The following AP1G2 variants were observed in gnomAD, a reference collection of about 807,000 sequenced individuals.
The protein encoded by AP1G2 is adaptor related protein complex 1 subunit gamma 2, also known as AP-1 complex subunit gamma-like 2.
In AP1G2, 85 loss-of-function variants were observed where a neutral mutation model predicts 95.8. That is an observed-to-expected ratio of 0.89 (90% CI 0.74 to 1.06). AP1G2 has a LOEUF of 1.06. Ranked by LOEUF, AP1G2 falls within the 50% of genes least tolerant of loss-of-function variation. The probability of loss-of-function intolerance (pLI) is 0.00; values close to 1 mark genes in which losing one functional copy is unlikely to be tolerated. For missense variants in AP1G2, 967 were observed against 1,005.8 expected, an observed-to-expected ratio of 0.96 and a Z score of 0.52; for synonymous variants, 378 against 400.0, an observed-to-expected ratio of 0.94 and a Z score of 0.66.
chr14:23,562,991 G>T, intron 14 of AP1G2: 1 of 940,082 alleles, frequency 1.1e-6, no homozygotes, highest in Non-Finnish European at 1.4e-6. Context: ...TGGAAGGGGT[G>T]GATGATGCTT....
chr14:23,562,861 G>C (rs1313510228), intron 14 of AP1G2: 1 of 527,368 alleles, frequency 1.9e-6, no homozygotes, highest in Non-Finnish European at 3.2e-6. Flanking sequence ...GATGGTGGGG[G>C]GTTGGAGGAG....
chr14:23,564,410 G>T, intron 9 of AP1G2, 22 bp from the exon 10 acceptor site: 2 of 1,614,110 alleles, frequency 1.2e-6, no homozygotes, highest in Non-Finnish European at 1.7e-6. Context: ...AGAAGTTGGG[G>T]TCAGTCGGAA....
rs754822801 is a variant in AP1G2, at chr14:23,559,801, G to A, written c.2306C>T (p.Ser769Leu). The stretch of plus-strand genomic sequence containing the variant: ...GTTCACCTCAAAGATCTCCTGCACC[G>A]ACTGGTGAAAGTGGTCGTAGGTGAG... ...LRLTYDHFHQ[S>L]VQEIFEVNNL... Residue 769 changes from serine to leucine, a missense_variant, in exon 22 of 22, where the codon TCG (serine) becomes TTG (leucine). Physicochemically the swap from Ser to Leu is moderately radical, Grantham distance 145. Coordinates refer to ENST00000397120, the MANE Select transcript of AP1G2 (RefSeq NM_003917.5). 3 of 1,614,132 alleles carry A rather than the reference G, an allele frequency of 1.9e-6. No homozygotes were observed. Among genetic ancestry groups the A allele is most frequent in the South Asian group, 2.2e-5 (2 of 91,066 alleles).
rs773877046 is a variant in AP1G2 at position 23,566,571 on chromosome 14, C to T, written c.320G>A (p.Ser107Asn). The change falls in exon 3 of 22, where the codon AGC (serine) becomes AAC (asparagine). Residue 107 changes from serine (S) to asparagine (N), a missense_variant. By Grantham distance (46) the Ser-to-Asn change is conservative (BLOSUM62 1). Coordinates refer to ENST00000397120, the MANE Select transcript of AP1G2 (RefSeq NM_003917.5). ...RHDAHLLITN[S>N]IKNDLSQGIQ... ...GCCAGAACCCTCTCACTTCTTGATG[C>T]TGTTGGTAATGAGCAGGTGGGCATC... 17 of 1,614,030 alleles carry T rather than the reference C, an allele frequency of 1.1e-5. No individual in the cohort carries two copies. Among genetic ancestry groups the T allele is most frequent in the Non-Finnish European group, 1.4e-5 (17 of 1,180,008 alleles).
In AP1G2 at chr14:23,565,908, G is replaced by T; in HGVS notation, c.569-16C>A. Reference sequence around the variant, plus strand: ...AGCAGGATGCCTGGGGTCAGCGTCGGGGAAGTGAATGGTGGGGGCCAGGGG... The same window carrying T: ...AGCAGGATGCCTGGGGTCAGCGTCGTGGAAGTGAATGGTGGGGGCCAGGGG... On this transcript the variant is annotated splice_polypyrimidine_tract_variant and intron_variant, in intron 5 of 21. Transcript: ENST00000397120. 2 of 1,598,584 alleles carry T rather than the reference G, an allele frequency of 1.3e-6. No individual in the cohort carries two copies. Among genetic ancestry groups the T allele is most frequent in the South Asian group, 1.1e-5 (1 of 89,524 alleles).
chr14:23,567,591 C>G lies in AP1G2; in HGVS notation c.-6+148G>C. On this transcript the variant is annotated intron_variant, in intron 1 of 21. Transcript: ENST00000397120. The surrounding 1 kb of genome is among the most constrained non-coding windows in gnomAD (Gnocchi z 5.3). ...CCTATTTCTCTCTACCGTTTCCTCC[C>G]CCTACCTGGTACCCCATCCCTAGCT... 1 of 1,252,660 alleles carries G rather than the reference C, an allele frequency of 8.0e-7. No individual in the cohort carries two copies. Among genetic ancestry groups the G allele is most frequent in the Non-Finnish European group, 1.0e-6 (1 of 998,008 alleles). 77.6% of individuals were successfully genotyped at this position (1,252,660 alleles called of 1,614,324 possible).
intron 20 of AP1G2, 56 bp downstream of exon 20, chr14:23,560,199 A>G: frequency 6.3e-7 from 1 of 1,588,934 alleles, no homozygotes; most frequent in Non-Finnish European, 8.6e-7. Flanking sequence ...TCCTCCACTT[A>G]GTGGCCTTTT....
rs1421687187 is a variant in AP1G2 at position 23,565,894 on chromosome 14, T to C, written c.569-2A>G. ...GCGTGATGGTGCCCAGCAGGATGCC[T>C]GGGGTCAGCGTCGGGGAAGTGAATG... On this transcript the variant is annotated splice_acceptor_variant, in intron 5 of 21. Coordinates refer to ENST00000397120, the MANE Select transcript of AP1G2 (RefSeq NM_003917.5). LOFTEE classifies it high-confidence loss of function. 2 of 1,591,994 alleles carry C rather than the reference T, an allele frequency of 1.3e-6. No individual in the cohort carries two copies. Among genetic ancestry groups the C allele is most frequent in the East Asian group, 2.2e-5 (1 of 44,674 alleles).
chr14:23,561,832 C>A, intron 17 of AP1G2, 130 bp downstream of exon 17: 1 of 1,469,254 alleles, frequency 6.8e-7, no homozygotes, highest in Non-Finnish European at 9.0e-7. Context: ...CTTCAATTAA[C>A]AGTGGGTGGG....
chr14:23,565,794 G>A, intron 6 of AP1G2, 22 bp downstream of exon 6: 1 of 1,595,096 alleles, frequency 6.3e-7, no homozygotes. Context: ...CAGGCCCAGG[G>A]CCTGCCCCTT....
rs927696122 is a variant in AP1G2, at chr14:23,565,139, T to C, written c.802A>G (p.Met268Val). The change falls in exon 8 of 22, where the codon ATG (methionine) becomes GTG (valine). Residue 268 changes from methionine to valine, a missense_variant. Transcript: ENST00000397120. The stretch of plus-strand genomic sequence containing the variant: ...CCCACCTGGGCCAGCAAGTCATTCA[T>C]GGTCTCACTGCTCTCCTCGTGGTTC... ...GRNHEESSETMNDLLAQVATN... is the reference protein window; with the variant it reads ...GRNHEESSETVNDLLAQVATN... 5 of 1,614,084 alleles carry C rather than the reference T, an allele frequency of 3.1e-6. No individual in the cohort carries two copies. In the African/African-American group the frequency reaches 4.0e-5, roughly 13 times the overall value.
rs758055303 is a variant in AP1G2 at position 23,560,011 on chromosome 14, G to A, written c.2183C>T (p.Pro728Leu). The A allele has an allele frequency of 1.2e-6, 2 of 1,610,816 alleles. No homozygotes were observed. The highest frequency in any genetic ancestry group is 4.5e-5 in the East Asian group (2 of 44,856). ...CCGAGCTGGAACTGTGTTCCCACTG[G>A]GGGCCTGCAGCTGCAGCTGGAGACT... is the stretch of plus-strand genomic sequence containing the variant. ...PKSLQLQLQA[P>L]SGNTVPARGG... Residue 728 changes from proline to leucine, a missense_variant, in exon 21 of 22, where the codon CCC becomes CTC. By Grantham distance (98) the Pro-to-Leu change is moderately conservative. Transcript: ENST00000397120.
Position 23,559,657 on chromosome 14 carries a change from A to G in AP1G2, c.*92T>C, listed in dbSNP as rs1595229349. The G allele has an allele frequency of 8.5e-7, 1 of 1,178,906 alleles. No individual in the cohort carries two copies. Among genetic ancestry groups the G allele is most frequent in the East Asian group, 2.5e-5 (1 of 40,098 alleles). The allele number at this position is 1,178,906 out of a possible 1,614,324, so 73.0% of individuals were successfully genotyped here. ...TTTTGCAGTGCAAAGCCAGAGCGCC[A>G]CCTGCTGGTAGCCCTCAGGTGTAGG... On this transcript the variant is annotated 3_prime_UTR_variant, in exon 22 of 22. Transcript: ENST00000397120.
At chr14:23,564,241 A>G (rs2139269233) in intron 10 of AP1G2, 82 bp from the exon 11 acceptor site, 2 of 1,613,044 alleles carry the variant, frequency 1.2e-6, no homozygotes, top group Middle Eastern at 1.6e-4. Context: ...GGGATAAGAT[A>G]AGAGAGAAAT....
chr14:23,559,847 G>C lies in AP1G2; in HGVS notation c.2260C>G (p.Pro754Ala), dbSNP rs1470336551. The part of the protein sequence containing the change: ...LFRILNPNKA[P>A]LRLKLRLTYD... ...GTGAGGCGCAGCTTTAGCCGCAGGG[G>C]GGCCTAGGAATAGGAGAGCAGGGAC... The change falls in exon 22 of 22, where the codon CCC becomes GCC. Residue 754 changes from proline to alanine, a missense_variant. Pro to Ala is a conservative substitution (Grantham distance 27). Transcript: ENST00000397120. The C allele has an allele frequency of 6.2e-7, 1 of 1,613,948 alleles. No homozygotes were observed. Among genetic ancestry groups the C allele is most frequent in the African/African-American group, 1.3e-5 (1 of 74,910 alleles).
intron 13 of AP1G2, 37 bp downstream of exon 13, chr14:23,563,547 C>T (rs1054381923): frequency 1.9e-6 from 3 of 1,614,122 alleles, no homozygotes; most frequent in Middle Eastern, 1.6e-4. Context: ...GAATCTTGAC[C>T]ACTTCTGCCC....
In AP1G2 at chr14:23,567,610, C is replaced by T. The variant is rs1888712373; in HGVS notation, c.-6+129G>A. On this transcript the variant is annotated intron_variant, in intron 1 of 21. Transcript: ENST00000397120. The surrounding 1 kb of genome is among the most constrained non-coding windows in gnomAD (Gnocchi z 5.3). ...TCCTCCCCCTACCTGGTACCCCATCCCTAGCTCAGCCATTGCTTTTTTTTC... is the reference window on the plus strand; with the variant it reads ...TCCTCCCCCTACCTGGTACCCCATCTCTAGCTCAGCCATTGCTTTTTTTTC... The T allele has an allele frequency of 7.6e-6, 9 of 1,187,236 alleles. No individual in the cohort carries two copies. The highest frequency in any genetic ancestry group is 3.2e-5 in the African/African-American group (2 of 62,784). 73.5% of individuals were successfully genotyped at this position (1,187,236 alleles called of 1,614,324 possible). A position where few individuals can be genotyped will look rare whatever the true frequency, so the allele number is the denominator to read the frequency against.
At position 23,565,678 on chromosome 14, in the gene AP1G2, G is replaced by A; in HGVS notation, c.669C>T (p.Ile223=). 1 of 1,614,154 alleles carries A rather than the reference G, an allele frequency of 6.2e-7. No homozygotes were observed. The highest frequency in any genetic ancestry group is 8.5e-7 in the Non-Finnish European group (1 of 1,180,006). ...ATCCCATTGTCACCAGAGTCCGGAG[G>A]ATGTGTACCAGCTGGGGTACCACCT... The part of the protein sequence containing the change: ...FRKVVPQLVH[I]LRTLVTMGYS... Residue 223 remains isoleucine, a synonymous_variant, in exon 7 of 22, where the codon ATC becomes ATT. Transcript: ENST00000397120.
Position 23,560,388 on chromosome 14 carries a change from C to G in AP1G2, c.2024G>C (p.Arg675Pro). The stretch of plus-strand genomic sequence containing the variant: ...AGACAGATTCAGCTGTACTCCCTCA[C>G]GCTCAAACACTTTGAGATCTGGGAT... ...APIPDLKVFE[R>P]EGVQLNLSFI... Residue 675 changes from arginine to proline, a missense_variant, in exon 20 of 22, where the codon CGT (arginine) becomes CCT (proline). By Grantham distance (103) the Arg-to-Pro change is moderately radical. Coordinates refer to ENST00000397120, the MANE Select transcript of AP1G2 (RefSeq NM_003917.5). 1.9e-6 allele frequency: 3 copies of G among 1,613,920 alleles called. No individual in the cohort carries two copies. The highest frequency in any genetic ancestry group is 2.5e-6 in the Non-Finnish European group (3 of 1,179,908).
Sources: gnomAD v4.1 joint callset for allele counts on GRCh38, gnomAD v4.1.1 for gene constraint, Gnocchi (gnomAD v3.1) non-coding constraint, MANE v1.5 for transcripts, NCBI Gene and HGNC (gene_info 2026-07-23, HGNC 2026-07-21) for gene names.